PPFIA1: variants seen among roughly 807,000 people sequenced by gnomAD.
The protein encoded by PPFIA1 is PPFI scaffold protein A1, also known as liprin-alpha-1.
In PPFIA1, 25 loss-of-function variants were observed where a neutral mutation model predicts 149.9. That is an observed-to-expected ratio of 0.17 (90% CI 0.12 to 0.23). The LOEUF (loss-of-function observed/expected upper bound fraction) is 0.23, where lower values mean the gene tolerates loss of function less well. PPFIA1 is among the 10% of genes least tolerant of loss of function. The probability of loss-of-function intolerance (pLI) is 1.00; values close to 1 mark genes in which losing one functional copy is unlikely to be tolerated. For synonymous variants in PPFIA1, 549 were observed against 552.8 expected, an observed-to-expected ratio of 0.99 and a Z score of 0.10; for missense variants, 1,362 against 1,506.5, an observed-to-expected ratio of 0.90 and a Z score of 1.59.
chr11:70,314,206 A>G (rs2136581687), intron 2 of PPFIA1, among the ~76,000 whole-genome samples: 1 of 152,266 alleles, frequency 6.6e-6, no homozygotes, highest in African/African-American at 2.4e-5. Context: ...GATGGGGGTG[A>G]ACAGTCAGAG....
chr11:70,327,400 C>G (rs936413986), intron 7 of PPFIA1, among the ~76,000 whole-genome samples: 1 of 152,214 alleles, frequency 6.6e-6, no homozygotes, highest in African/African-American at 2.4e-5. Flanking sequence ...CATGGGTCAT[C>G]AGGATCGTAT....
At chr11:70,354,722 C>T (rs1335687196) in intron 17 of PPFIA1, among the ~76,000 whole-genome samples, 1 of 151,958 alleles carries the variant, frequency 6.6e-6, no homozygotes, top group African/African-American at 2.4e-5. Context: ...AACTTCATGT[C>T]TTCAGAGTCT....
At chr11:70,367,722 A>C (rs934805480) in intron 21 of PPFIA1, 1 of 399,182 alleles carries the variant, frequency 2.5e-6, no homozygotes, top group Non-Finnish European at 4.9e-6. Context: ...GAGGAAACAG[A>C]AACAAGTAGG....
Position 70,361,782 on chromosome 11 carries a change from AT to A in PPFIA1, c.2583-296del, listed in dbSNP as rs35021154. ...AGGCATGCGTCACCATACCTGGCTGATTTTTTTTTTTTTTTTTAATTTTTGT... is the reference window on the plus strand; with the variant it reads ...AGGCATGCGTCACCATACCTGGCTGATTTTTTTTTTTTTTTTAATTTTTGT... On this transcript the variant is annotated intron_variant, in intron 19 of 27. Coordinates refer to ENST00000253925, the MANE Select transcript of PPFIA1 (RefSeq NM_003626.5). 5.3e-3 allele frequency among the ~76,000 whole-genome samples: 725 copies of A among 136,930 alleles called. 1 individual carries two copies. Among genetic ancestry groups the A allele is most frequent in the Middle Eastern group, 7.5e-3 (2 of 266 alleles). 89.8% of individuals were successfully genotyped at this position (136,930 alleles called of 152,430 possible). A position where few individuals can be genotyped will look rare whatever the true frequency, so the allele number is the denominator to read the frequency against.
chr11:70,356,341 G>A, intron 19 of PPFIA1, 87 bp downstream of exon 19: 1 of 948,626 alleles, frequency 1.1e-6, no homozygotes. Context: ...ATAATAGCTA[G>A]CTATGTATAT....
At chr11:70,340,078 G>T (rs570052716) in intron 14 of PPFIA1, among the ~76,000 whole-genome samples, 2 of 151,662 alleles carry the variant, frequency 1.3e-5, no homozygotes, top group Non-Finnish European at 2.9e-5. Flanking sequence ...TGGGAGGATC[G>T]CTTGAAGCCA....
intron 19 of PPFIA1, among the ~76,000 whole-genome samples, chr11:70,356,529 G>T (rs1001279097): frequency 6.6e-6 from 1 of 152,192 alleles, no homozygotes; most frequent in African/African-American, 2.4e-5. Flanking sequence ...CACTGGAGTC[G>T]GCCCTGGCGC....
chr11:70,371,945 A>T (rs544639287), intron 21 of PPFIA1: 1 of 262,934 alleles, frequency 3.8e-6, no homozygotes, highest in African/African-American at 2.2e-5. Context: ...GAGGAAATTT[A>T]TAGCCAGTTA....
intron 2 of PPFIA1, among the ~76,000 whole-genome samples, chr11:70,314,843 A>G (rs1220771652): frequency 3.3e-5 from 5 of 152,212 alleles, no homozygotes; most frequent in African/African-American, 1.2e-4. Context: ...AGACTGGGTA[A>G]TTCATAAAGG....
intron 2 of PPFIA1, among the ~76,000 whole-genome samples, chr11:70,273,884 C>T (rs1256834959): frequency 2.0e-5 from 3 of 152,154 alleles, no homozygotes; most frequent in South Asian, 4.2e-4. Context: ...TACTAATATA[C>T]TTAATAAGGT....
chr11:70,375,174 G>C, intron 24 of PPFIA1, 81 bp downstream of exon 24: 727 of 173,924 alleles, frequency 4.2e-3, no homozygotes, highest in Non-Finnish European at 5.7e-3. Context: ...CGAATAGAAA[G>C]AAACTTTAAA....
chr11:70,286,984 T>TACACACAC (rs57213147), intron 2 of PPFIA1, among the ~76,000 whole-genome samples: 10 of 148,024 alleles, frequency 6.8e-5, no homozygotes, highest in African/African-American at 2.5e-4. Context: ...TATATGCACA[T>TACACACAC]ACACACACAC....
At chr11:70,292,369 C>T (rs2051593729) in intron 2 of PPFIA1, among the ~76,000 whole-genome samples, 1 of 152,202 alleles carries the variant, frequency 6.6e-6, no homozygotes, top group Non-Finnish European at 1.5e-5. Flanking sequence ...GTGTGGATTC[C>T]CACATTGGAG....
chr11:70,282,839 T>TC (rs1449890434), intron 2 of PPFIA1, among the ~76,000 whole-genome samples: 1 of 134,780 alleles, frequency 7.4e-6, no homozygotes, highest in East Asian at 2.3e-4. Context: ...CTGGCTTTTT[T>TC]TTTTTTTTTT....
chr11:70,372,802 T>C (rs2057327823), intron 23 of PPFIA1, among the ~76,000 whole-genome samples: 1 of 152,156 alleles, frequency 6.6e-6, no homozygotes, highest in Non-Finnish European at 1.5e-5. Flanking sequence ...AGTCTGGAGG[T>C]TAAATGTCTC....
rs1350151990 is a variant in PPFIA1 at position 70,331,466 on chromosome 11, A to G, written c.1078-494A>G. On this transcript the variant is annotated intron_variant, in intron 8 of 27. Coordinates refer to ENST00000253925, the MANE Select transcript of PPFIA1 (RefSeq NM_003626.5). The stretch of plus-strand genomic sequence containing the variant: ...TGAAACCAAGACCAGGAAAGTGGGC[A>G]TGTACTCCTGGCAGCAAGAAAACCT... 1.3e-5 allele frequency among the ~76,000 whole-genome samples: 2 copies of G among 152,154 alleles called. 1 individual carries two copies. The highest frequency in any genetic ancestry group is 2.9e-5 in the Non-Finnish European group (2 of 68,026).
At chr11:70,307,650 T>C (rs191955876) in intron 2 of PPFIA1, among the ~76,000 whole-genome samples, 20 of 152,262 alleles carry the variant, frequency 1.3e-4, no homozygotes, top group African/African-American at 4.6e-4. Flanking sequence ...TTAGGCTGGG[T>C]GTGATCGCCC....
At position 70,324,525 on chromosome 11, in the gene PPFIA1, A is replaced by G. The variant is rs778288857; in HGVS notation, c.366+22A>G. Reference sequence around the variant, plus strand: ...CAGGGTGAGTGTGACCTTTCTGTTCACTGCCTGCCCCTGGAGCCACTGTCA... The same window carrying G: ...CAGGGTGAGTGTGACCTTTCTGTTCGCTGCCTGCCCCTGGAGCCACTGTCA... On this transcript the variant is annotated intron_variant, in intron 3 of 27. Transcript: ENST00000253925. The G allele has an allele frequency of 1.0e-5, 16 of 1,566,958 alleles. No individual in the cohort carries two copies. In the Admixed American group the frequency reaches 2.6e-4, roughly 25 times the overall value.
chr11:70,377,209 G>T (rs1490165046), intron 25 of PPFIA1, among the ~76,000 whole-genome samples: 1 of 152,170 alleles, frequency 6.6e-6, no homozygotes, highest in African/African-American at 2.4e-5. Context: ...ATTGGTTGCA[G>T]CTTAGGAACA....
Sources: allele counts gnomAD v4.1 joint callset (sites outside exome capture counted in the v4.1 genomes callset), GRCh38; gene constraint gnomAD v4.1.1; transcripts MANE v1.5; gene names NCBI Gene and HGNC (gene_info 2026-07-23, HGNC 2026-07-21).